Variants in ATP8A2 observed in about 807,000 individuals in gnomAD.
ATP8A2 encodes the protein phospholipid-transporting ATPase IB.
ATP8A2 carries 100 observed loss-of-function variants against 165.6 expected under a neutral mutation model. The observed-to-expected ratio is 0.60, with a 90% CI of 0.51 to 0.71. The LOEUF is 0.71. Ranked by LOEUF, ATP8A2 falls within the 30% of genes least tolerant of loss-of-function variation. The pLI is 0.00. For missense variants in ATP8A2, 1,227 were observed against 1,479.5 expected, an observed-to-expected ratio of 0.83 and a Z score of 2.80; for synonymous variants, 543 against 548.8, an observed-to-expected ratio of 0.99 and a Z score of 0.15.
chr13:25,483,088 C>T (rs1303804508), intron 2 of ATP8A2, among the ~76,000 whole-genome samples: 2 of 152,158 alleles, frequency 1.3e-5, no homozygotes, highest in Non-Finnish European at 2.9e-5. Flanking sequence ...GTTTGATGTG[C>T]ACAGCCACCT....
intron 1 of ATP8A2, among the ~76,000 whole-genome samples, chr13:25,433,763 G>GA: frequency 6.6e-6 from 1 of 152,194 alleles, no homozygotes; most frequent in Non-Finnish European, 1.5e-5. Flanking sequence ...AAAAGGAAAT[G>GA]TGGTATTTAT....
chr13:25,941,521 A>G (rs1406597458), intron 33 of ATP8A2, among the ~76,000 whole-genome samples: 1 of 152,120 alleles, frequency 6.6e-6, no homozygotes, highest in East Asian at 1.9e-4. Flanking sequence ...TGGATCCTCA[A>G]TGAACCCCAC....
chr13:25,699,381 G>A (rs375080325), intron 25 of ATP8A2, 36 bp downstream of exon 25: 26 of 1,506,546 alleles, frequency 1.7e-5, no homozygotes, highest in African/African-American at 8.4e-5. Context: ...TTCACACTCT[G>A]CTGTGTCTGT....
chr13:25,798,343 T>C (rs1950539264), intron 27 of ATP8A2, among the ~76,000 whole-genome samples: 1 of 152,236 alleles, frequency 6.6e-6, no homozygotes, highest in African/African-American at 2.4e-5. Flanking sequence ...TCTCGTTCTC[T>C]AAGAACTTCC....
chr13:25,867,028 T>G (rs1179023719), intron 33 of ATP8A2, among the ~76,000 whole-genome samples: 2 of 152,190 alleles, frequency 1.3e-5, no homozygotes, highest in African/African-American at 4.8e-5. Context: ...AAAGTTCTTT[T>G]CATTGCTAGT....
intron 33 of ATP8A2, chr13:25,868,026 G>A (rs1306691411): frequency 7.1e-6 from 3 of 425,178 alleles, no homozygotes; most frequent in South Asian, 3.4e-5. Context: ...CCCAGGTGGG[G>A]CGCTCAGTGA....
intron 2 of ATP8A2, among the ~76,000 whole-genome samples, chr13:25,525,398 G>C (rs1593459832): frequency 2.6e-5 from 4 of 152,228 alleles, no homozygotes; most frequent in South Asian, 4.1e-4. Flanking sequence ...TTACTAGTGG[G>C]TTTTATACCT....
At chr13:25,676,039 C>T (rs7987148) in intron 24 of ATP8A2, among the ~76,000 whole-genome samples, 59,189 of 151,612 alleles carry the variant, frequency 0.39, 11,724 homozygotes, top group East Asian at 0.59. Flanking sequence ...AACCCATAAG[C>T]GTGTAAAATA....
intron 26 of ATP8A2, 93 bp downstream of exon 26, chr13:25,769,322 C>T: frequency 1.6e-6 from 2 of 1,223,908 alleles, no homozygotes; most frequent in Non-Finnish European, 2.3e-6. Flanking sequence ...CATCTCCAAA[C>T]CTCTGCCACC....
At chr13:25,996,937 G>C (rs1159683380) in intron 35 of ATP8A2, among the ~76,000 whole-genome samples, 1 of 152,154 alleles carries the variant, frequency 6.6e-6, no homozygotes, top group Non-Finnish European at 1.5e-5. Flanking sequence ...TCCCACCTCG[G>C]CCTCCCAAAA....
chr13:25,721,693 A>T (rs531467319), intron 25 of ATP8A2, among the ~76,000 whole-genome samples: 2 of 152,214 alleles, frequency 1.3e-5, no homozygotes, highest in Non-Finnish European at 2.9e-5. Flanking sequence ...GGAATCATAC[A>T]TCATGCAGTC....
At chr13:25,904,259 T>A (rs963218629) in intron 33 of ATP8A2, among the ~76,000 whole-genome samples, 1 of 152,172 alleles carries the variant, frequency 6.6e-6, no homozygotes, top group African/African-American at 2.4e-5. Context: ...ATCAGAAACC[T>A]TGGGGAGTCT....
At chr13:25,555,988 A>G (rs1022208150) in intron 13 of ATP8A2, among the ~76,000 whole-genome samples, 3 of 152,170 alleles carry the variant, frequency 2.0e-5, no homozygotes, top group Non-Finnish European at 2.9e-5. Flanking sequence ...CATGGTGTAT[A>G]TGTACCACAT....
chr13:25,826,413 A>G (rs1229901013), intron 27 of ATP8A2, among the ~76,000 whole-genome samples: 1 of 152,206 alleles, frequency 6.6e-6, no homozygotes, highest in Non-Finnish European at 1.5e-5. Flanking sequence ...TTGATTTGGC[A>G]TTTAATTTGA....
chr13:25,698,721 G>T (rs982091521), intron 24 of ATP8A2, among the ~76,000 whole-genome samples: 1 of 152,128 alleles, frequency 6.6e-6, no homozygotes, highest in Non-Finnish European at 1.5e-5. Flanking sequence ...TGCATGGAGA[G>T]AATGGTTTAA....
intron 1 of ATP8A2, among the ~76,000 whole-genome samples, chr13:25,406,891 G>A (rs1384916258): frequency 6.6e-6 from 1 of 152,224 alleles, no homozygotes; most frequent in Admixed American, 6.5e-5. Flanking sequence ...TTCTTAGGCT[G>A]GCAGATGGCC....
At chr13:25,754,418 AT>A (rs35661717) in intron 25 of ATP8A2, among the ~76,000 whole-genome samples, 19,835 of 147,820 alleles carry the variant, frequency 0.13, 1,327 homozygotes, top group East Asian at 0.23. Flanking sequence ...AAAGTATGCG[AT>A]TTTTTTTTTT....
intron 33 of ATP8A2, among the ~76,000 whole-genome samples, chr13:25,869,095 CTTTTAA>C (rs1220172853): frequency 7.1e-6 from 1 of 140,918 alleles, no homozygotes. Flanking sequence ...AAAAAAAAAC[CTTTTAA>C]TTGGTAATAA....
intron 32 of ATP8A2, among the ~76,000 whole-genome samples, chr13:25,861,839 A>G (rs1234088449): frequency 2.0e-5 from 3 of 152,250 alleles, no homozygotes; most frequent in Non-Finnish European, 2.9e-5. Context: ...TTAAGAGGCA[A>G]TATCCATTTC....
Sources: gnomAD v4.1 joint callset for allele counts (sites outside exome capture counted in the v4.1 genomes callset) on GRCh38, gnomAD v4.1.1 for gene constraint, MANE v1.5 for transcripts, NCBI Gene and HGNC (gene_info 2026-07-23, HGNC 2026-07-21) for gene names.